Variants in FGFR2 observed in about 807,000 individuals in gnomAD.
FGFR2 encodes BEK fibroblast growth factor receptor.
Under a neutral mutation model 95.9 loss-of-function variants are expected in FGFR2, and 19 were observed. The observed-to-expected ratio is 0.20, with a 90% CI of 0.14 to 0.29. The LOEUF (loss-of-function observed/expected upper bound fraction) is 0.29, where lower values mean the gene tolerates loss of function less well. Among genes scored for constraint, FGFR2 ranks in the 10% least tolerant of loss-of-function variants. FGFR2 has a pLI of 1.00. For missense variants in FGFR2, 707 were observed against 1,056.9 expected, an observed-to-expected ratio of 0.67 and a Z score of 4.59; for synonymous variants, 392 against 393.3, an observed-to-expected ratio of 1.00 and a Z score of 0.04.
chr10:121,585,527 A>G (rs930910807), intron 2 of FGFR2, among the ~76,000 whole-genome samples: 19 of 152,140 alleles, frequency 1.2e-4, no homozygotes, highest in East Asian at 5.8e-4. Flanking sequence ...CTGCACATTC[A>G]CCCTTCAAGA....
At chr10:121,584,218 G>A (rs1861404612) in intron 2 of FGFR2, among the ~76,000 whole-genome samples, 1 of 151,866 alleles carries the variant, frequency 6.6e-6, no homozygotes, top group Non-Finnish European at 1.5e-5. Flanking sequence ...CTTCCATGCA[G>A]ACAAAAATCT....
chr10:121,534,414 AGAT>A (rs1305973415), intron 6 of FGFR2, among the ~76,000 whole-genome samples: 2 of 131,816 alleles, frequency 1.5e-5, no homozygotes, highest in Non-Finnish European at 3.2e-5. Flanking sequence ...TTCTTTTTTG[AGAT>A]GGAGTTTCAC....
intron 4 of FGFR2, among the ~76,000 whole-genome samples, chr10:121,561,081 A>C (rs531576776): frequency 4.6e-5 from 7 of 152,316 alleles, no homozygotes; most frequent in African/African-American, 1.2e-4. Context: ...TCTTCACTTA[A>C]GTAACTCATT....
intron 1 of FGFR2, chr10:121,594,258 C>G (rs1176295698): frequency 8.3e-6 from 3 of 360,698 alleles, no homozygotes; most frequent in Non-Finnish European, 1.0e-5. Context: ...AATGTGTGCT[C>G]TCTTCTACTA....
chr10:121,573,257 T>C (rs576292929), intron 2 of FGFR2, among the ~76,000 whole-genome samples: 1 of 152,194 alleles, frequency 6.6e-6, no homozygotes, highest in African/African-American at 2.4e-5. Context: ...GGACGACAGA[T>C]TTAAACTGTT....
At position 121,548,245 on chromosome 10, in the gene FGFR2, C is replaced by CTTTTTTTTTTTTTTTTTTTTT. The variant is rs57061338; in HGVS notation, c.624+3024_624+3044dup. On this transcript the variant is annotated intron_variant, in intron 5 of 17. Transcript: ENST00000358487. ...TGTGTGGCCCTCTGCCGCTTTTGGCCTTTTTTTTTTTTTTTTTTTTTTTTT... is the reference window on the plus strand; with the variant it reads ...TGTGTGGCCCTCTGCCGCTTTTGGCCTTTTTTTTTTTTTTTTTTTTTTTTTTTTTTTTTTTTTTTTTTTTTT... Among the ~76,000 whole-genome samples the CTTTTTTTTTTTTTTTTTTTTT allele has an allele frequency of 4.5e-4, 21 of 46,700 alleles. 4 individuals are homozygous for CTTTTTTTTTTTTTTTTTTTTT. Among genetic ancestry groups the CTTTTTTTTTTTTTTTTTTTTT allele is most frequent in the East Asian group, 2.1e-3 (2 of 934 alleles). The allele number at this position is 46,700 out of a possible 152,430, so 30.6% of individuals were successfully genotyped here.
chr10:121,495,986 C>T (rs1049873219), intron 13 of FGFR2, among the ~76,000 whole-genome samples: 1 of 152,184 alleles, frequency 6.6e-6, no homozygotes, highest in Non-Finnish European at 1.5e-5. Flanking sequence ...CCTCAGGGGA[C>T]CTGGCCAACT....
chr10:121,532,454 T>C (rs1408342152), intron 6 of FGFR2, among the ~76,000 whole-genome samples: 1 of 152,208 alleles, frequency 6.6e-6, no homozygotes, highest in Non-Finnish European at 1.5e-5. Context: ...TGAGCAGGAA[T>C]GACTGAATCT....
At chr10:121,526,648 C>T in intron 6 of FGFR2, 1 of 398,582 alleles carries the variant, frequency 2.5e-6, no homozygotes, top group Non-Finnish European at 4.4e-6. Context: ...CAGAAAGAGC[C>T]CAGGTGCCCA....
intron 2 of FGFR2, among the ~76,000 whole-genome samples, chr10:121,587,639 A>G (rs45631586): frequency 0.11 from 16,782 of 152,272 alleles, 1,115 homozygotes; most frequent in Non-Finnish European, 0.16. Flanking sequence ...TCCCACCAGC[A>G]TATGAAAAAA....
chr10:121,576,115 C>T (rs1047009327), intron 2 of FGFR2, among the ~76,000 whole-genome samples: 15 of 150,178 alleles, frequency 1.0e-4, no homozygotes, highest in Non-Finnish European at 1.3e-4. Flanking sequence ...TGAACCTGGG[C>T]GGTGGAGGTT....
At chr10:121,509,761 G>A (rs971621469) in intron 9 of FGFR2, among the ~76,000 whole-genome samples, 28 of 152,036 alleles carry the variant, frequency 1.8e-4, no homozygotes, top group African/African-American at 6.5e-4. Context: ...GGGATTACAG[G>A]TGTGGGCCAC....
intron 5 of FGFR2, among the ~76,000 whole-genome samples, chr10:121,547,141 T>C (rs1854637726): frequency 6.6e-6 from 1 of 152,140 alleles, no homozygotes; most frequent in Non-Finnish European, 1.5e-5. Context: ...GGAAAATCGC[T>C]TGAACCCGGG....
chr10:121,590,617 A>G lies in FGFR2; in HGVS notation c.109+3092T>C, dbSNP rs140340115. On this transcript the variant is annotated intron_variant, in intron 2 of 17. Transcript: ENST00000358487. ...ATTGAGTGGGCCCAACCCCACTGCT[A>G]CTATTTCAGAACGTGTCCAGAAGAC... Among the ~76,000 whole-genome samples the G allele has an allele frequency of 5.2e-3, 798 of 152,316 alleles. 7 individuals carry two copies. Among genetic ancestry groups the G allele is most frequent in the African/African-American group, 0.018 (756 of 41,562 alleles).
At chr10:121,480,062 C>A (rs2133687868) in intron 17 of FGFR2, 41 bp from the exon 18 acceptor site, 1 of 1,570,874 alleles carries the variant, frequency 6.4e-7, no homozygotes, top group South Asian at 1.1e-5. Context: ...CATCTTGGGT[C>A]AGGATAACAA....
At chr10:121,553,102 G>A (rs1355774472) in intron 4 of FGFR2, among the ~76,000 whole-genome samples, 2 of 152,204 alleles carry the variant, frequency 1.3e-5, no homozygotes, top group Admixed American at 6.5e-5. Context: ...GAAACCTGTT[G>A]TCAAAGGTAG....
Position 121,593,887 on chromosome 10 carries a change from T to C in FGFR2, c.-70A>G. The C allele has an allele frequency of 7.0e-7, 1 of 1,426,342 alleles. No homozygotes were observed. The highest frequency in any genetic ancestry group is 2.3e-5 in the East Asian group (1 of 43,956). 88.4% of individuals were successfully genotyped at this position (1,426,342 alleles called of 1,614,324 possible). A position where few individuals can be genotyped will look rare whatever the true frequency, so the allele number is the denominator to read the frequency against. Reference sequence around the variant, plus strand: ...ACGTTAATCCCATCTGCACACTTCCTCTACGGGCATGGACTACGCGCAATG... The same window carrying C: ...ACGTTAATCCCATCTGCACACTTCCCCTACGGGCATGGACTACGCGCAATG... On this transcript the variant is annotated 5_prime_UTR_variant, in exon 2 of 18. Transcript: ENST00000358487.
chr10:121,577,900 G>A (rs894474374), intron 2 of FGFR2, among the ~76,000 whole-genome samples: 1 of 152,052 alleles, frequency 6.6e-6, no homozygotes, highest in Non-Finnish European at 1.5e-5. Context: ...ACGATGAAGG[G>A]AGTCACACCA....
chr10:121,511,354 A>G (rs1849037126), intron 9 of FGFR2, among the ~76,000 whole-genome samples: 2 of 152,070 alleles, frequency 1.3e-5, no homozygotes, highest in Non-Finnish European at 1.5e-5. Flanking sequence ...GCTCGATGTA[A>G]AACTGATTCA....
Sources: gnomAD v4.1 joint callset for allele counts (sites outside exome capture counted in the v4.1 genomes callset) on GRCh38, gnomAD v4.1.1 for gene constraint, MANE v1.5 for transcripts, NCBI Gene and HGNC (gene_info 2026-07-23, HGNC 2026-07-21) for gene names.